Variants in GRAMD1B observed in about 807,000 individuals in gnomAD.
GRAMD1B encodes GRAM domain containing 1B, also known as protein Aster-B.
Under a neutral mutation model 99.7 loss-of-function variants are expected in GRAMD1B, and 37 were observed. That is an observed-to-expected ratio of 0.37 (90% CI 0.29 to 0.49). GRAMD1B has a LOEUF of 0.49. GRAMD1B is among the 20% of genes least tolerant of loss of function. The pLI is 0.98. For missense variants in GRAMD1B, 888 were observed against 1,009.2 expected, an observed-to-expected ratio of 0.88 and a Z score of 1.63; for synonymous variants, 427 against 387.6, an observed-to-expected ratio of 1.10 and a Z score of -1.19.
intron 2 of GRAMD1B, among the ~76,000 whole-genome samples, chr11:123,546,428 GT>G (rs1945047376): frequency 6.6e-6 from 1 of 152,186 alleles, no homozygotes; most frequent in African/African-American, 2.4e-5. Context: ...TCAGCTCAAG[GT>G]TTCTTTTTCT....
chr11:123,459,941 C>A (rs55917769), intron 1 of GRAMD1B: 24,493 of 152,174 alleles, frequency 0.16, 2,267 homozygotes, highest in Non-Finnish European at 0.21. Context: ...GGAGCATCAA[C>A]ATCCTTTTTA....
intron 4 of GRAMD1B, among the ~76,000 whole-genome samples, chr11:123,590,035 G>T (rs1950490456): frequency 6.6e-6 from 1 of 152,126 alleles, no homozygotes; most frequent in Non-Finnish European, 1.5e-5. Flanking sequence ...AGGCTTTCTT[G>T]CCCCATTGGC....
intron 2 of GRAMD1B, among the ~76,000 whole-genome samples, chr11:123,542,021 T>C (rs1049296503): frequency 1.5e-4 from 23 of 152,360 alleles, no homozygotes; most frequent in African/African-American, 5.3e-4. Flanking sequence ...AGTGTGACTG[T>C]CGACCACTTC....
intron 10 of GRAMD1B, among the ~76,000 whole-genome samples, chr11:123,606,204 C>T (rs1952685538): frequency 1.3e-5 from 2 of 152,220 alleles, no homozygotes; most frequent in Non-Finnish European, 1.5e-5. Context: ...TGTATCGATT[C>T]CCTTCCAGGG....
chr11:123,563,499 GTTTTTTCTTTTTTTT>G (rs1374812662), intron 2 of GRAMD1B, among the ~76,000 whole-genome samples: 5 of 151,170 alleles, frequency 3.3e-5, no homozygotes, highest in Non-Finnish European at 5.9e-5. Context: ...ATAACAGAGG[GTTTTTTCTTTTTTTT>G]TTTTTTCTTT....
intron 1 of GRAMD1B, among the ~76,000 whole-genome samples, chr11:123,361,708 C>T (rs988212372): frequency 6.6e-6 from 1 of 152,150 alleles, no homozygotes; most frequent in Non-Finnish European, 1.5e-5. Context: ...GTTCCATATA[C>T]CCTTTATTGT....
rs181966208 is a variant in GRAMD1B, at chr11:123,593,447, G to A, written c.685-635G>A. ...ACCTGGGGCAGGGGGCTTCTCTCTG[G>A]CCTTGGTCTCTTCCTTGATGCTGTA... is the stretch of plus-strand genomic sequence containing the variant. On this transcript the variant is annotated intron_variant, in intron 4 of 19. Transcript: ENST00000635736. Among the ~76,000 whole-genome samples, 707 of 152,260 alleles carry A rather than the reference G, an allele frequency of 4.6e-3. 10 individuals are homozygous for A. The highest frequency in any genetic ancestry group is 0.016 in the African/African-American group (679 of 41,536).
chr11:123,601,506 T>A (rs1791999), intron 8 of GRAMD1B, among the ~76,000 whole-genome samples: 2 of 128,740 alleles, frequency 1.6e-5, no homozygotes, highest in African/African-American at 5.9e-5. Context: ...TCCCCCAGGA[T>A]TAATTTTTAT....
chr11:123,621,886 T>TTC (rs1565482393), intron 19 of GRAMD1B, among the ~76,000 whole-genome samples: 5 of 62,054 alleles, frequency 8.1e-5, no homozygotes, highest in African/African-American at 2.7e-4. Context: ...TTCTTTTTCT[T>TTC]TCTTTCTTTC....
At chr11:123,544,597 G>A (rs1452638818) in intron 2 of GRAMD1B, among the ~76,000 whole-genome samples, 1 of 152,140 alleles carries the variant, frequency 6.6e-6, no homozygotes, top group African/African-American at 2.4e-5. Context: ...AACTCTCCCT[G>A]GGAGGAAAAC....
Position 123,510,373 on chromosome 11 carries a change from C to T in GRAMD1B, c.452+29480C>T, listed in dbSNP as rs1940871533. On this transcript the variant is annotated intron_variant, in intron 2 of 19. Transcript: ENST00000635736. This position sits in a 1 kb window ranked among gnomAD's most constrained non-coding sequence, Gnocchi z 4.3. ...TCTCAACAGGGGGAGCCTGGGAAGA[C>T]CCACACTTCGCTCCTGGGAAGAAGT... Among the ~76,000 whole-genome samples the T allele has an allele frequency of 6.6e-6, 1 of 152,082 alleles. No individual in the cohort carries two copies. Among genetic ancestry groups the T allele is most frequent in the Admixed American group, 6.5e-5 (1 of 15,272 alleles).
At chr11:123,542,546 G>A (rs1162404073) in intron 2 of GRAMD1B, among the ~76,000 whole-genome samples, 1 of 152,214 alleles carries the variant, frequency 6.6e-6, no homozygotes, top group Non-Finnish European at 1.5e-5. Context: ...TGGGGAAGAA[G>A]CATTGGGAGC....
intron 2 of GRAMD1B, among the ~76,000 whole-genome samples, chr11:123,535,426 C>T (rs963255191): frequency 6.6e-6 from 1 of 152,136 alleles, no homozygotes; most frequent in African/African-American, 2.4e-5. Context: ...CCTGTGCTCT[C>T]GACCTCCACA....
At chr11:123,469,811 CCT>C (rs1565526256) in intron 1 of GRAMD1B, among the ~76,000 whole-genome samples, 1 of 122,452 alleles carries the variant, frequency 8.2e-6, no homozygotes. Context: ...TTCCTTCCTT[CCT>C]CTCTTTTTCT....
intron 1 of GRAMD1B, among the ~76,000 whole-genome samples, chr11:123,442,960 T>C (rs1949479642): frequency 6.6e-6 from 1 of 151,982 alleles, no homozygotes; most frequent in Admixed American, 6.6e-5. Flanking sequence ...TGAGGATGAC[T>C]AGAGGTCATT....
chr11:123,411,009 C>CTT (rs879774512), intron 1 of GRAMD1B, among the ~76,000 whole-genome samples: 5 of 145,488 alleles, frequency 3.4e-5, no homozygotes, highest in Admixed American at 6.9e-5. Context: ...AACTTATCTT[C>CTT]TTTTTTTTTT....
Position 123,610,007 on chromosome 11 carries a change from G to A in GRAMD1B, c.1776+94G>A. 2.3e-6 allele frequency: 2 copies of A among 878,070 alleles called. No homozygotes were observed. The highest frequency in any genetic ancestry group is 3.0e-5 in the South Asian group (2 of 66,614). The allele number at this position is 878,070 out of a possible 1,614,324, so 54.4% of individuals were successfully genotyped here. A position where few individuals can be genotyped will look rare whatever the true frequency, so the allele number is the denominator to read the frequency against. On this transcript the variant is annotated intron_variant, in intron 13 of 19. Transcript: ENST00000635736. This position sits in a 1 kb window ranked among gnomAD's most constrained non-coding sequence, Gnocchi z 4.1. Reference sequence around the variant, plus strand: ...GGCAGATGTCAGGAAGAAGTTTCAGGGCGCAAGTGTCATTTTGCCCCAAAG... The same window carrying A: ...GGCAGATGTCAGGAAGAAGTTTCAGAGCGCAAGTGTCATTTTGCCCCAAAG...
At chr11:123,598,307 GT>G in intron 7 of GRAMD1B, 2 of 1,257,438 alleles carry the variant, frequency 1.6e-6, no homozygotes, top group Non-Finnish European at 2.3e-6. Context: ...CAAGTGGCAG[GT>G]TTTTGGGGTT....
intron 2 of GRAMD1B, among the ~76,000 whole-genome samples, chr11:123,554,542 A>AAAAAG (rs1555070585): frequency 2.1e-5 from 3 of 144,078 alleles, no homozygotes; most frequent in Non-Finnish European, 1.5e-5. Flanking sequence ...AAAAAAAAAA[A>AAAAAG]AAAGAAAGAA....
Sources: allele counts gnomAD v4.1 joint callset (sites outside exome capture counted in the v4.1 genomes callset), GRCh38; gene constraint gnomAD v4.1.1; non-coding constraint Gnocchi (gnomAD v3.1); transcripts MANE v1.5; gene names NCBI Gene and HGNC (gene_info 2026-07-23, HGNC 2026-07-21).